Variants in EIF4E3 observed in about 807,000 individuals in gnomAD.
EIF4E3 encodes eukaryotic translation initiation factor 4E family member 3.
A neutral mutation model predicts 31.7 loss-of-function variants in EIF4E3; 26 were observed. The observed-to-expected ratio is 0.82, with a 90% CI of 0.60 to 1.14. EIF4E3 has a LOEUF of 1.14. Among genes scored for constraint, EIF4E3 ranks in the 50% most tolerant of loss-of-function variants. The pLI, the probability that EIF4E3 is intolerant of heterozygous loss-of-function variation, is 0.00. For synonymous variants in EIF4E3, 128 were observed against 107.7 expected (o/e 1.19, Z -1.17); for missense variants, 304 against 270.9 (o/e 1.12, Z -0.86).
intron 4 of EIF4E3, 114 bp from the exon 5 acceptor site, chr3:71,694,055 G>T: frequency 9.6e-7 from 1 of 1,045,814 alleles, no homozygotes; most frequent in Non-Finnish European, 1.3e-6. Context: ...CACTTTCTGT[G>T]CCCATACTTG....
At chr3:71,695,333 G>A (rs184735018) in intron 4 of EIF4E3, among the ~76,000 whole-genome samples, 42 of 152,288 alleles carry the variant, frequency 2.8e-4, no homozygotes, top group Non-Finnish European at 5.0e-4. Flanking sequence ...ATATGAAAGC[G>A]TTATTATTTG....
chr3:71,710,156 T>G (rs2049353984), intron 2 of EIF4E3, among the ~76,000 whole-genome samples: 1 of 152,134 alleles, frequency 6.6e-6, no homozygotes, highest in Admixed American at 6.5e-5. Flanking sequence ...CTGCCTTTTG[T>G]GCGGGTCTAT....
intron 1 of EIF4E3, among the ~76,000 whole-genome samples, chr3:71,741,137 A>G (rs1357687964): frequency 6.6e-6 from 1 of 152,114 alleles, no homozygotes; most frequent in Non-Finnish European, 1.5e-5. Flanking sequence ...TCCATCTCAA[A>G]TAAAATAAAA....
chr3:71,664,777 A>G, the EIF4E3 span, among the ~76,000 whole-genome samples: 11 of 152,294 alleles, frequency 7.2e-5, no homozygotes, highest in Admixed American at 7.2e-4. Flanking sequence ...CGGGAGGCTG[A>G]GGCATGAGAA....
upstream of EIF4E3, chr3:71,728,494 G>A (rs1206032638): frequency 6.5e-6 from 1 of 152,724 alleles, no homozygotes; most frequent in Admixed American, 6.5e-5. Flanking sequence ...ACAGCTCTAG[G>A]AAATGACAGA....
intron 1 of EIF4E3, among the ~76,000 whole-genome samples, chr3:71,747,746 GTT>G (rs1030531396): frequency 1.3e-5 from 2 of 151,946 alleles, no homozygotes; most frequent in African/African-American, 2.4e-5. Context: ...AGTTGTTATA[GTT>G]TTAGCCCTGA....
At chr3:71,698,867 C>T (rs971383647) in intron 3 of EIF4E3, among the ~76,000 whole-genome samples, 7 of 152,200 alleles carry the variant, frequency 4.6e-5, no homozygotes, top group African/African-American at 1.7e-4. Flanking sequence ...CCAGAAACTA[C>T]CCCTACCAGT....
the EIF4E3 span, among the ~76,000 whole-genome samples, chr3:71,664,382 G>A: frequency 1.3e-5 from 2 of 151,730 alleles, no homozygotes; most frequent in African/African-American, 4.8e-5. Context: ...CAGAATCAAT[G>A]CCTCCATTTT....
At chr3:71,708,581 C>G (rs1302890733) in intron 2 of EIF4E3, among the ~76,000 whole-genome samples, 1 of 152,018 alleles carries the variant, frequency 6.6e-6, no homozygotes, top group East Asian at 1.9e-4. Flanking sequence ...CCTGGGTTAT[C>G]TCGTGGGGTC....
At chr3:71,666,850 A>T in the EIF4E3 span, among the ~76,000 whole-genome samples, 1 of 152,238 alleles carries the variant, frequency 6.6e-6, no homozygotes, top group African/African-American at 2.4e-5. Context: ...GAGGCAGGAG[A>T]ACAGCTTCAA....
In EIF4E3 at chr3:71,681,132, C is replaced by T. The variant is rs151165875; in HGVS notation, c.*3550G>A. 4.4e-4 allele frequency: 67 copies of T among 152,288 alleles called. No individual in the cohort carries two copies. The highest frequency in any genetic ancestry group is 1.5e-3 in the African/African-American group (63 of 41,552). The allele number at this position is 152,288 out of a possible 1,614,324, so 9.4% of individuals were successfully genotyped here. A position where few individuals can be genotyped will look rare whatever the true frequency, so the allele number is the denominator to read the frequency against. ...TGAGATATTTTAAGCACATCTGGAG[C>T]GATCTAGCTTTGACACATTTTTATT... On this transcript the variant is annotated 3_prime_UTR_variant, in exon 7 of 7. Transcript: ENST00000425534.
intron 2 of EIF4E3, among the ~76,000 whole-genome samples, chr3:71,708,740 C>T (rs1578357604): frequency 6.6e-6 from 1 of 152,218 alleles, no homozygotes; most frequent in African/African-American, 2.4e-5. Context: ...ATCAAGTGCT[C>T]TGAGGATTAA....
At chr3:71,717,279 A>C (rs982016060) in intron 1 of EIF4E3, among the ~76,000 whole-genome samples, 1 of 152,234 alleles carries the variant, frequency 6.6e-6, no homozygotes, top group African/African-American at 2.4e-5. Context: ...ATGCTGGCCT[A>C]TGTCATCTAA....
the EIF4E3 span, among the ~76,000 whole-genome samples, chr3:71,660,788 G>C: frequency 2.0e-5 from 3 of 152,214 alleles, no homozygotes; most frequent in African/African-American, 7.2e-5. Context: ...ATGACAAGGA[G>C]ATGTCGTTTT....
chr3:71,683,822 T>G lies in EIF4E3; in HGVS notation c.*860A>C, dbSNP rs1055590708. On this transcript the variant is annotated 3_prime_UTR_variant, in exon 7 of 7. Coordinates refer to ENST00000425534, the MANE Select transcript of EIF4E3 (RefSeq NM_001134651.2). Reference sequence around the variant, plus strand: ...ACACACCCGAACTTTGCAAGGAGCTTAATTCAAACAATTAAAATATCACCT... The same window carrying G: ...ACACACCCGAACTTTGCAAGGAGCTGAATTCAAACAATTAAAATATCACCT... 33 of 152,188 alleles carry G rather than the reference T, an allele frequency of 2.2e-4. No homozygotes were observed. The highest frequency in any genetic ancestry group is 8.0e-4 in the African/African-American group (33 of 41,450). 9.4% of individuals were successfully genotyped at this position (152,188 alleles called of 1,614,324 possible). A position where few individuals can be genotyped will look rare whatever the true frequency, so the allele number is the denominator to read the frequency against.
intron 1 of EIF4E3, among the ~76,000 whole-genome samples, chr3:71,731,098 G>A (rs1578381992): frequency 6.6e-6 from 1 of 152,106 alleles, no homozygotes; most frequent in East Asian, 1.9e-4. Flanking sequence ...GCATGGCCTG[G>A]AGGACTGCAA....
the EIF4E3 span, among the ~76,000 whole-genome samples, chr3:71,667,984 T>A: frequency 6.6e-6 from 1 of 152,140 alleles, no homozygotes; most frequent in Non-Finnish European, 1.5e-5. Context: ...GGAGGCATCA[T>A]GCTACCTGGC....
chr3:71,685,766 A>G (rs2048983022), intron 6 of EIF4E3, among the ~76,000 whole-genome samples: 1 of 152,182 alleles, frequency 6.6e-6, no homozygotes, highest in Non-Finnish European at 1.5e-5. Flanking sequence ...AATACATAAC[A>G]TTTTCTCTAA....
At chr3:71,662,167 T>C in the EIF4E3 span, among the ~76,000 whole-genome samples, 5 of 152,194 alleles carry the variant, frequency 3.3e-5, no homozygotes, top group African/African-American at 4.8e-5. Context: ...GATTACTTCA[T>C]ACTGTAAGGG....
Sources: allele counts gnomAD v4.1 joint callset (sites outside exome capture counted in the v4.1 genomes callset), GRCh38; gene constraint gnomAD v4.1.1; transcripts MANE v1.5; gene names NCBI Gene and HGNC (gene_info 2026-07-23, HGNC 2026-07-21).